MYO5B: variants seen among roughly 807,000 people sequenced by gnomAD.
The protein encoded by MYO5B is unconventional myosin-Vb.
In MYO5B, 143 loss-of-function variants were observed where a neutral mutation model predicts 229.3. The observed-to-expected ratio is 0.62, with a 90% CI of 0.54 to 0.72. The LOEUF (loss-of-function observed/expected upper bound fraction) is 0.72. MYO5B is among the 30% of genes least tolerant of loss of function. The probability of loss-of-function intolerance (pLI) is 0.00; values close to 1 mark genes in which losing one functional copy is unlikely to be tolerated. For synonymous variants in MYO5B, 918 were observed against 885.2 expected (o/e 1.04, Z -0.66); for missense variants, 2,321 against 2,331.0 (o/e 1.00, Z 0.09).
intron 1 of MYO5B, among the ~76,000 whole-genome samples, chr18:50,183,110 T>C (rs932068424): frequency 1.3e-5 from 2 of 151,948 alleles, no homozygotes; most frequent in African/African-American, 4.8e-5. Context: ...TTATAACTCA[T>C]CCTATTTTCA....
chr18:50,089,687 T>G (rs1859950613), intron 1 of MYO5B, among the ~76,000 whole-genome samples: 1 of 151,674 alleles, frequency 6.6e-6, no homozygotes, highest in Non-Finnish European at 1.5e-5. Context: ...GGAAAAGAGG[T>G]CCTTGGGAAG....
In MYO5B at chr18:50,112,649, A is replaced by G. The variant is rs537507821; in HGVS notation, c.28-57271T>C. Among the ~76,000 whole-genome samples, 39 of 152,304 alleles carry G rather than the reference A, an allele frequency of 2.6e-4. 1 individual carries two copies. The highest frequency in any genetic ancestry group is 8.9e-4 in the African/African-American group (37 of 41,568). The stretch of plus-strand genomic sequence containing the variant: ...ACTCAGGCCCTTCTGGTACATACAC[A>G]AGAAAACCCCCACTATATTAAGTCA... On this transcript the variant is annotated intron_variant, in intron 1 of 39. Coordinates refer to ENST00000285039, the MANE Select transcript of MYO5B (RefSeq NM_001080467.3).
At chr18:50,096,002 C>T (rs745792970) in intron 1 of MYO5B, among the ~76,000 whole-genome samples, 3 of 152,188 alleles carry the variant, frequency 2.0e-5, no homozygotes, top group African/African-American at 7.2e-5. Flanking sequence ...TCCCAATTCA[C>T]TTCTGCTACC....
intron 1 of MYO5B, among the ~76,000 whole-genome samples, chr18:50,129,429 G>A (rs1053000413): frequency 2.0e-5 from 3 of 152,150 alleles, no homozygotes; most frequent in Admixed American, 6.5e-5. Context: ...AATGAACTCC[G>A]ATAAGGCAGA....
At chr18:49,992,570 G>C (rs2025945741) in intron 5 of MYO5B, 139 bp from the exon 6 acceptor site, 1 of 1,274,096 alleles carries the variant, frequency 7.8e-7, no homozygotes, top group African/African-American at 1.5e-5. Context: ...ACAATGAACT[G>C]AGCTAAAGAA....
intron 4 of MYO5B, among the ~76,000 whole-genome samples, chr18:50,013,550 C>T (rs1051144017): frequency 6.6e-6 from 1 of 152,192 alleles, no homozygotes; most frequent in Non-Finnish European, 1.5e-5. Flanking sequence ...AACTTGGGCT[C>T]AGTGAGACAG....
At chr18:49,951,153 C>T (rs934924054) in intron 14 of MYO5B, among the ~76,000 whole-genome samples, 1 of 152,130 alleles carries the variant, frequency 6.6e-6, no homozygotes, top group Non-Finnish European at 1.5e-5. Context: ...CTGTATGACT[C>T]CAGGTGGAAG....
rs117696318 is a variant in MYO5B, at chr18:49,851,889, T to C, written c.4221+1560A>G. On this transcript the variant is annotated intron_variant, in intron 31 of 39. Transcript: ENST00000285039. ...TACATCACCAACAGCCCCTGGAACCTGCTGCAGCTGGCTCTCCTTAGGGGT... is the reference window on the plus strand; with the variant it reads ...TACATCACCAACAGCCCCTGGAACCCGCTGCAGCTGGCTCTCCTTAGGGGT... 3.1e-3 allele frequency among the ~76,000 whole-genome samples: 468 copies of C among 152,326 alleles called. 15 individuals are homozygous for C. The East Asian group carries it at 0.074, about 24-fold the overall frequency.
intron 21 of MYO5B, among the ~76,000 whole-genome samples, chr18:49,902,378 T>G (rs1277936406): frequency 6.6e-6 from 1 of 152,226 alleles, no homozygotes; most frequent in Non-Finnish European, 1.5e-5. Context: ...AAGTCCCTTT[T>G]GCCATATAAG....
At chr18:50,164,021 T>C (rs117121088) in intron 1 of MYO5B, among the ~76,000 whole-genome samples, 2,853 of 152,290 alleles carry the variant, frequency 0.019, 37 homozygotes, top group South Asian at 0.034. Context: ...AGGTACAACA[T>C]TACAGGCAAA....
chr18:50,144,283 C>G (rs1355758983), intron 1 of MYO5B, among the ~76,000 whole-genome samples: 1 of 152,184 alleles, frequency 6.6e-6, no homozygotes, highest in African/African-American at 2.4e-5. Context: ...GACAGGCGTG[C>G]TTTGGACGCA....
chr18:50,108,948 C>T (rs1281151435), intron 1 of MYO5B, among the ~76,000 whole-genome samples: 1 of 152,150 alleles, frequency 6.6e-6, no homozygotes, highest in African/African-American at 2.4e-5. Context: ...CTTTGAATGA[C>T]CCCACATGCT....
chr18:49,825,351 A>G lies in MYO5B; in HGVS notation c.*1120T>C, dbSNP rs1180224572. 1.3e-5 allele frequency: 2 copies of G among 152,206 alleles called. No individual in the cohort carries two copies. The highest frequency in any genetic ancestry group is 1.3e-4 in the Admixed American group (2 of 15,302). 9.4% of individuals were successfully genotyped at this position (152,206 alleles called of 1,614,324 possible). ...AGATATTTACAATTTTTTGTGTGCT[A>G]AATTTGAAAAACGTTGAAAATAACC... is the stretch of plus-strand genomic sequence containing the variant. On this transcript the variant is annotated 3_prime_UTR_variant, in exon 40 of 40. Coordinates refer to ENST00000285039, the MANE Select transcript of MYO5B (RefSeq NM_001080467.3).
chr18:50,013,404 T>C (rs958359126), intron 4 of MYO5B, among the ~76,000 whole-genome samples: 1 of 152,142 alleles, frequency 6.6e-6, no homozygotes, highest in Non-Finnish European at 1.5e-5. Context: ...ACCTACACCC[T>C]GAGATTTTAA....
At chr18:50,003,801 C>G (rs1478425687) in intron 4 of MYO5B, among the ~76,000 whole-genome samples, 5 of 152,196 alleles carry the variant, frequency 3.3e-5, no homozygotes, top group African/African-American at 7.2e-5. Flanking sequence ...AGCCTTGATC[C>G]TCATCAAAGA....
At position 49,878,956 on chromosome 18, in the gene MYO5B, T is replaced by C; in HGVS notation, c.3265A>G (p.Thr1089Ala). 2 of 1,614,132 alleles carry C rather than the reference T, an allele frequency of 1.2e-6. No homozygotes were observed. The highest frequency in any genetic ancestry group is 1.7e-6 in the Non-Finnish European group (2 of 1,180,012). ...QRYDNLRDEM[T>A]IIKQTPGHRR... The stretch of plus-strand genomic sequence containing the variant: ...AGCACCCCCCTTGCCTTTATGATGG[T>C]CATTTCATCCCGAAGGTTGTCGTAT... The change falls in exon 24 of 40, where the codon ACC (threonine) becomes GCC (alanine). Residue 1089 changes from threonine (T) to alanine (A), a missense_variant. By Grantham distance (58) the Thr-to-Ala change is moderately conservative (BLOSUM62 0). Coordinates refer to ENST00000285039, the MANE Select transcript of MYO5B (RefSeq NM_001080467.3).
chr18:50,098,139 C>T (rs1183198507), intron 1 of MYO5B, among the ~76,000 whole-genome samples: 4 of 152,154 alleles, frequency 2.6e-5, no homozygotes, highest in Non-Finnish European at 4.4e-5. Context: ...ACATTTACTC[C>T]ACAATATAAC....
intron 2 of MYO5B, among the ~76,000 whole-genome samples, chr18:50,053,916 G>A (rs2030472502): frequency 1.3e-5 from 2 of 152,146 alleles, no homozygotes; most frequent in Admixed American, 1.3e-4. Context: ...AGCAATGTCT[G>A]TTCTGCAGCC....
chr18:49,922,682 A>C (rs1383349526), intron 17 of MYO5B, among the ~76,000 whole-genome samples: 1 of 152,044 alleles, frequency 6.6e-6, no homozygotes, highest in East Asian at 1.9e-4. Flanking sequence ...TCTAGATCTA[A>C]TTCCACACAT....
Sources: allele counts gnomAD v4.1 joint callset (sites outside exome capture counted in the v4.1 genomes callset), GRCh38; gene constraint gnomAD v4.1.1; transcripts MANE v1.5; gene names NCBI Gene and HGNC (gene_info 2026-07-23, HGNC 2026-07-21).